The following DET1 variants were observed in gnomAD, a reference collection of about 807,000 sequenced individuals.
DET1 encodes DET1 homolog.
Under a neutral mutation model 43.7 loss-of-function variants are expected in DET1, and 22 were observed. That is an observed-to-expected ratio of 0.50 (90% CI 0.36 to 0.72). The LOEUF (loss-of-function observed/expected upper bound fraction) is 0.72, where lower values mean the gene tolerates loss of function less well. Among genes scored for constraint, DET1 ranks in the 30% least tolerant of loss-of-function variants. The pLI is 0.00. For synonymous variants in DET1, 315 were observed against 266.2 expected (o/e 1.18, Z -1.79); for missense variants, 713 against 713.3 (o/e 1.00, Z 0.00).
chr15:88,531,014 A>G lies in DET1; in HGVS notation c.692T>C (p.Ile231Thr). Reference protein sequence around the residue: ...GLYLYKNILAILSVQQQTIHV... With the variant: ...GLYLYKNILATLSVQQQTIHV... ...GATGGTCTGTTGTTGCACAGACAAG[A>G]TGGCCAGGATGTTTTTGTACAAGTA... is the stretch of plus-strand genomic sequence containing the variant. Residue 231 changes from isoleucine (I) to threonine (T), a missense_variant, in exon 2 of 5, where the codon ATC (isoleucine) becomes ACC (threonine). Physicochemically the swap from Ile to Thr is moderately conservative, Grantham distance 89. Transcript: ENST00000268148. The surrounding 1 kb of genome is among the most constrained non-coding windows in gnomAD (Gnocchi z 6.2). 6.2e-7 allele frequency: 1 copy of G among 1,613,516 alleles called. No homozygotes were observed. Among genetic ancestry groups the G allele is most frequent in the Non-Finnish European group, 8.5e-7 (1 of 1,179,642 alleles).
chr15:88,517,167 A>C (rs887265822), intron 3 of DET1, among the ~76,000 whole-genome samples, 194 bp from the exon 4 acceptor site: 1 of 152,044 alleles, frequency 6.6e-6, no homozygotes, highest in African/African-American at 2.4e-5. Flanking sequence ...AAAAAGCAAA[A>C]CATATAACTA....
intron 4 of DET1, among the ~76,000 whole-genome samples, chr15:88,515,540 T>A (rs12915786): frequency 0.92 from 76,455 of 83,328 alleles, 34,797 homozygotes; most frequent in East Asian, 0.95. Context: ...CTCCGTCTTA[T>A]AAAAAAAAAA....
At chr15:88,506,038 A>C (rs2056136772) in intron 7 of DET1, among the ~76,000 whole-genome samples, 1 of 152,176 alleles carries the variant, frequency 6.6e-6, no homozygotes, top group East Asian at 1.9e-4. Flanking sequence ...GAAGAGGTAC[A>C]ACCTGGGCTG....
chr15:88,516,866 T>A lies in DET1; in HGVS notation c.1379A>T (p.Tyr460Phe). Residue 460 changes from tyrosine (Y) to phenylalanine (F), a missense_variant, in exon 4 of 5, where the codon TAT becomes TTT. Transcript: ENST00000268148. The surrounding 1 kb of genome is among the most constrained non-coding windows in gnomAD (Gnocchi z 4.4). The stretch of plus-strand genomic sequence containing the variant: ...ATAACTGAAGAGAGACAAATCCAGA[T>A]AGGGGCTACCGCTGTAAGACTGAGC... ...ISAQSYSGSP[Y>F]LDLSLFSYDD... is the part of the protein sequence containing the mutation. 1 of 1,611,104 alleles carries A rather than the reference T, an allele frequency of 6.2e-7. No homozygotes were observed. The highest frequency in any genetic ancestry group is 8.5e-7 in the Non-Finnish European group (1 of 1,178,764).
At chr15:88,542,731 T>TGGGG (rs1476413601) in intron 1 of DET1, among the ~76,000 whole-genome samples, 1 of 152,048 alleles carries the variant, frequency 6.6e-6, no homozygotes, top group Non-Finnish European at 1.5e-5. Flanking sequence ...CTAATGGCTA[T>TGGGG]CCAAGAGGGC....
At position 88,527,700 on chromosome 15, in the gene DET1, A is replaced by T; in HGVS notation, c.1170T>A (p.Phe390Leu). The change falls in exon 3 of 5, where the codon TTT becomes TTA. Residue 390 changes from phenylalanine (F) to leucine (L), a missense_variant. By Grantham distance (22) the Phe-to-Leu change is conservative. Transcript: ENST00000268148. The part of the protein sequence containing the change: ...ENTSDELLEL[F>L]ENFCDLFRNA... ...TACGAAAAAGGTCACAGAAGTTCTC[A>T]AAGAGCTCCAAAAGCTCATCTGATG... 3.7e-6 allele frequency: 6 copies of T among 1,613,956 alleles called. No homozygotes were observed. The highest frequency in any genetic ancestry group is 5.1e-6 in the Non-Finnish European group (6 of 1,179,850).
intron 1 of DET1, among the ~76,000 whole-genome samples, chr15:88,533,852 T>TAAAAA (rs368408722): frequency 0.022 from 842 of 39,098 alleles, 51 homozygotes; most frequent in Non-Finnish European, 0.033. Context: ...ACCCAATCTC[T>TAAAAA]AAAAAAAAAA....
At chr15:88,536,014 T>C (rs1044327277) in intron 1 of DET1, among the ~76,000 whole-genome samples, 1 of 152,002 alleles carries the variant, frequency 6.6e-6, no homozygotes, top group Non-Finnish European at 1.5e-5. Flanking sequence ...TGGAAAAAAC[T>C]AAAAGATATA....
At chr15:88,527,354 A>G (rs2056691022) in intron 3 of DET1, among the ~76,000 whole-genome samples, 1 of 152,274 alleles carries the variant, frequency 6.6e-6, no homozygotes, top group African/African-American at 2.4e-5. Flanking sequence ...ATAGCAATAC[A>G]TGAAGACACA....
At chr15:88,523,708 T>C (rs7403220) in intron 3 of DET1, among the ~76,000 whole-genome samples, 105,521 of 151,824 alleles carry the variant, frequency 0.7, 36,942 homozygotes, top group South Asian at 0.8. Flanking sequence ...CCCGAGGTGC[T>C]GGGATTGCAG....
intron 1 of DET1, among the ~76,000 whole-genome samples, chr15:88,537,277 A>C (rs2142328250): frequency 6.6e-6 from 1 of 152,328 alleles, no homozygotes; most frequent in East Asian, 1.9e-4. Context: ...GCACTGAGTA[A>C]AGACATAAAA....
At chr15:88,511,702 T>G, downstream of DET1, 1 of 651,384 alleles carries the variant, frequency 1.5e-6, no homozygotes, top group African/African-American at 2.0e-5. Context: ...GGTGCTCAAA[T>G]CCTGCACTGA....
In DET1 at chr15:88,531,750, G is replaced by A. The variant is rs1283240631; in HGVS notation, c.-10-35C>T. The A allele has an allele frequency of 1.3e-6, 2 of 1,554,712 alleles. No homozygotes were observed. The highest frequency in any genetic ancestry group is 1.7e-6 in the Non-Finnish European group (2 of 1,150,356). On this transcript the variant is annotated intron_variant, in intron 1 of 4. Transcript: ENST00000268148. The surrounding 1 kb of genome is among the most constrained non-coding windows in gnomAD (Gnocchi z 6.2). The stretch of plus-strand genomic sequence containing the variant: ...AAAGTAAAGCAGAAGTCAAGAAAGT[G>A]AAACAGAATTTACCAAAATATAAAT...
chr15:88,519,623 C>T (rs972363262), intron 3 of DET1, among the ~76,000 whole-genome samples: 1 of 152,204 alleles, frequency 6.6e-6, no homozygotes, highest in African/African-American at 2.4e-5. Context: ...ATCCTCTCTT[C>T]CTTCCTTCCA....
chr15:88,534,418 C>T (rs1245542229), intron 1 of DET1, among the ~76,000 whole-genome samples: 2 of 152,186 alleles, frequency 1.3e-5, no homozygotes, highest in Non-Finnish European at 2.9e-5. Context: ...GTGAGGTTAA[C>T]ATTGTCTCCC....
rs190996522 is a variant in DET1 at position 88,516,423 on chromosome 15, C to T, written c.1463+359G>A. 4.4e-3 allele frequency among the ~76,000 whole-genome samples: 667 copies of T among 152,186 alleles called. 6 individuals are homozygous for T. Among genetic ancestry groups the T allele is most frequent in the Non-Finnish European group, 4.7e-3 (321 of 68,014 alleles). On this transcript the variant is annotated intron_variant, in intron 4 of 4. Transcript: ENST00000268148. The surrounding 1 kb of genome is among the most constrained non-coding windows in gnomAD (Gnocchi z 4.4). Reference sequence around the variant, plus strand: ...CTATTTTTTCTATGAGGTAACATGGCGGGATAAAATAATTTGTGTTAGATA... The same window carrying T: ...CTATTTTTTCTATGAGGTAACATGGTGGGATAAAATAATTTGTGTTAGATA...
intron 1 of DET1, among the ~76,000 whole-genome samples, chr15:88,546,069 AC>A (rs953986991): frequency 3.3e-5 from 5 of 150,184 alleles, no homozygotes; most frequent in African/African-American, 7.4e-5. Flanking sequence ...TTTTAACTAG[AC>A]CCCCCCTCCC....
In DET1 at chr15:88,527,684, G is replaced by T. The variant is rs1383728017; in HGVS notation, c.1186C>A (p.Leu396Ile). 1 of 1,613,794 alleles carries T rather than the reference G, an allele frequency of 6.2e-7. No homozygotes were observed. Among genetic ancestry groups the T allele is most frequent in the Non-Finnish European group, 8.5e-7 (1 of 1,179,832 alleles). The change falls in exon 3 of 5, where the codon CTT (leucine) becomes ATT (isoleucine). Residue 396 changes from leucine to isoleucine, a missense_variant. Physicochemically the swap from Leu to Ile is conservative, Grantham distance 5. Transcript: ENST00000268148. ...LLELFENFCD[L>I]FRNATLHSEV... is the part of the protein sequence containing the mutation. The stretch of plus-strand genomic sequence containing the variant: ...CTGTGCAGGGTAGCATTACGAAAAA[G>T]GTCACAGAAGTTCTCAAAGAGCTCC...
chr15:88,515,799 G>A (rs2056329723), intron 4 of DET1, among the ~76,000 whole-genome samples: 1 of 152,012 alleles, frequency 6.6e-6, no homozygotes, highest in African/African-American at 2.4e-5. Context: ...GGGAAGGGGA[G>A]GGAGTAGGGG....
Sources: gnomAD v4.1 joint callset for allele counts (sites outside exome capture counted in the v4.1 genomes callset) on GRCh38, gnomAD v4.1.1 for gene constraint, Gnocchi (gnomAD v3.1) non-coding constraint, MANE v1.5 for transcripts, NCBI Gene and HGNC (gene_info 2026-07-23, HGNC 2026-07-21) for gene names.